Variants in RHOBTB1 observed in about 807,000 individuals in gnomAD.
RHOBTB1 encodes rho-related BTB domain-containing protein 1.
In RHOBTB1, 40 loss-of-function variants were observed where a neutral mutation model predicts 71.6. The observed-to-expected ratio is 0.56, with a 90% CI of 0.43 to 0.73. RHOBTB1 has a LOEUF of 0.73. RHOBTB1 is among the 30% of genes least tolerant of loss of function. The pLI is 0.00. For missense variants in RHOBTB1, 797 were observed against 894.0 expected, an observed-to-expected ratio of 0.89 and a Z score of 1.38; for synonymous variants, 319 against 334.9, an observed-to-expected ratio of 0.95 and a Z score of 0.52.
At chr10:60,951,850 A>G (rs1442811652) in intron 2 of RHOBTB1, among the ~76,000 whole-genome samples, 1 of 152,178 alleles carries the variant, frequency 6.6e-6, no homozygotes, top group East Asian at 1.9e-4. Flanking sequence ...TGAGGTCAGG[A>G]GTTTGAGACC....
chr10:60,901,364 T>G (rs2082406237), intron 4 of RHOBTB1, among the ~76,000 whole-genome samples: 1 of 152,192 alleles, frequency 6.6e-6, no homozygotes, highest in South Asian at 2.1e-4. Flanking sequence ...GTGAAAGTGT[T>G]CTGTAACCGT....
chr10:60,922,582 C>T (rs1209721541), intron 2 of RHOBTB1, among the ~76,000 whole-genome samples: 4 of 152,178 alleles, frequency 2.6e-5, no homozygotes, highest in Non-Finnish European at 5.9e-5. Context: ...AGTAGGGAGA[C>T]ATTCTTCACC....
chr10:60,895,044 T>C (rs1261166180), intron 4 of RHOBTB1, among the ~76,000 whole-genome samples: 1 of 152,120 alleles, frequency 6.6e-6, no homozygotes, highest in Non-Finnish European at 1.5e-5. Context: ...AGACAGGACC[T>C]TGGGGGTTGG....
chr10:60,961,603 T>C (rs2134525874), intron 2 of RHOBTB1, among the ~76,000 whole-genome samples: 1 of 152,266 alleles, frequency 6.6e-6, no homozygotes, highest in South Asian at 2.1e-4. Flanking sequence ...TCAAACTATG[T>C]GACCTTGAGA....
intron 1 of RHOBTB1, 101 bp from the exon 2 acceptor site, chr10:60,941,955 C>A (rs538627169): frequency 2.0e-5 from 3 of 152,010 alleles, no homozygotes; most frequent in Admixed American, 6.5e-5. Context: ...CTTTTTCCCC[C>A]GAGAAAGGGA....
chr10:61,000,666 TTCA>T (rs1328487333), intron 1 of RHOBTB1, among the ~76,000 whole-genome samples: 5 of 152,090 alleles, frequency 3.3e-5, no homozygotes, highest in Non-Finnish European at 7.4e-5. Flanking sequence ...AATGTATATC[TTCA>T]TTTTTTTTTA....
chr10:60,958,235 C>T (rs971797759), intron 2 of RHOBTB1, among the ~76,000 whole-genome samples: 2 of 152,058 alleles, frequency 1.3e-5, no homozygotes, highest in African/African-American at 4.8e-5. Context: ...GTTTTGAGCA[C>T]AGCATGTTAC....
At chr10:60,886,447 G>C (rs147897743) in intron 6 of RHOBTB1, among the ~76,000 whole-genome samples, 1 of 151,996 alleles carries the variant, frequency 6.6e-6, no homozygotes, top group African/African-American at 2.4e-5. Flanking sequence ...ATAAAGTCAC[G>C]GCACAAACTC....
At chr10:60,882,535 T>C (rs2081373106) in intron 7 of RHOBTB1, among the ~76,000 whole-genome samples, 1 of 151,920 alleles carries the variant, frequency 6.6e-6, no homozygotes, top group Non-Finnish European at 1.5e-5. Flanking sequence ...TTAAAATCAT[T>C]GGACATAGGC....
chr10:60,962,916 A>G (rs1453470858), intron 2 of RHOBTB1, among the ~76,000 whole-genome samples: 2 of 152,186 alleles, frequency 1.3e-5, no homozygotes, highest in Non-Finnish European at 2.9e-5. Flanking sequence ...GTTTCAATGT[A>G]TGCCATTCCT....
At chr10:60,922,982 G>A (rs2083657585) in intron 2 of RHOBTB1, among the ~76,000 whole-genome samples, 1 of 152,060 alleles carries the variant, frequency 6.6e-6, no homozygotes, top group African/African-American at 2.4e-5. Context: ...ACCCTCAAAG[G>A]TTCTCTCAAC....
rs1303956364 is a variant in RHOBTB1, at chr10:60,890,284, ATCTT to A, written c.483-1103_483-1100del. Among the ~76,000 whole-genome samples, 6 of 151,804 alleles carry A rather than the reference ATCTT, an allele frequency of 4.0e-5. No homozygotes were observed. The East Asian group carries it at 1.2e-3, about 29-fold the overall frequency. On this transcript the variant is annotated intron_variant, in intron 5 of 10. Coordinates refer to ENST00000337910, the MANE Select transcript of RHOBTB1 (RefSeq NM_014836.5). ...GACTGGTGCATTAGCCCCTTAACTAATCTTTCTTCACACCCACTCCTCACATTTT... is the reference window on the plus strand; with the variant it reads ...GACTGGTGCATTAGCCCCTTAACTAATCTTCACACCCACTCCTCACATTTT...
intron 2 of RHOBTB1, among the ~76,000 whole-genome samples, chr10:60,982,922 A>T (rs747874618): frequency 1.3e-5 from 2 of 152,138 alleles, no homozygotes; most frequent in Non-Finnish European, 2.9e-5. Context: ...GGCATGGAGC[A>T]GTGGGAGGGA....
At chr10:60,866,055 C>T (rs1038617028), downstream of RHOBTB1, among the ~76,000 whole-genome samples, 7 of 152,174 alleles carry the variant, frequency 4.6e-5, no homozygotes, top group African/African-American at 1.4e-4. Flanking sequence ...TGGTCTCAAA[C>T]TCCTGACCTC....
At chr10:60,996,591 C>T (rs1009655046) in intron 1 of RHOBTB1, among the ~76,000 whole-genome samples, 8 of 152,050 alleles carry the variant, frequency 5.3e-5, no homozygotes, top group African/African-American at 1.4e-4. Flanking sequence ...GATGGTTATG[C>T]GAGGGCTGTT....
downstream of RHOBTB1, among the ~76,000 whole-genome samples, chr10:60,864,992 G>T (rs888467487): frequency 2.6e-5 from 4 of 152,128 alleles, no homozygotes; most frequent in African/African-American, 9.7e-5. Context: ...TGCCCGGCTT[G>T]ACTACTTATT....
chr10:60,943,493 G>A (rs1269395865), intron 1 of RHOBTB1, among the ~76,000 whole-genome samples: 2 of 152,126 alleles, frequency 1.3e-5, no homozygotes, highest in African/African-American at 2.4e-5. Context: ...ACGGGGTTGC[G>A]GGGGAGGGGA....
At chr10:60,914,152 G>A (rs1263365510) in intron 2 of RHOBTB1, among the ~76,000 whole-genome samples, 1 of 152,160 alleles carries the variant, frequency 6.6e-6, no homozygotes, top group African/African-American at 2.4e-5. Context: ...AACAAGATGT[G>A]GTGTAGCTGA....
chr10:60,910,110 C>T (rs531353341), intron 4 of RHOBTB1, among the ~76,000 whole-genome samples: 1 of 152,074 alleles, frequency 6.6e-6, no homozygotes, highest in Non-Finnish European at 1.5e-5. Flanking sequence ...CTACGTTCTA[C>T]ACTGAAAATG....
Sources: allele counts gnomAD v4.1 joint callset (sites outside exome capture counted in the v4.1 genomes callset), GRCh38; gene constraint gnomAD v4.1.1; transcripts MANE v1.5; gene names NCBI Gene and HGNC (gene_info 2026-07-23, HGNC 2026-07-21).